Variants in DGKB observed in about 807,000 individuals in gnomAD.
DGKB encodes diacylglycerol kinase beta, also known as 90 kDa diacylglycerol kinase.
Under a neutral mutation model 114.3 loss-of-function variants are expected in DGKB, and 67 were observed. The observed-to-expected ratio is 0.59, with a 90% CI of 0.48 to 0.72. The LOEUF (loss-of-function observed/expected upper bound fraction) is 0.72. Ranked by LOEUF, DGKB falls within the 30% of genes least tolerant of loss-of-function variation. The pLI is 0.00. For synonymous variants in DGKB, 398 were observed against 323.1 expected (o/e 1.23, Z -2.49); for missense variants, 907 against 975.2 (o/e 0.93, Z 0.93).
intron 23 of DGKB, among the ~76,000 whole-genome samples, chr7:14,327,060 A>G (rs1260342280): frequency 1.3e-5 from 2 of 152,180 alleles, no homozygotes; most frequent in African/African-American, 4.8e-5. Context: ...TTATACCTAT[A>G]GTAATTCATT....
intron 23 of DGKB, among the ~76,000 whole-genome samples, chr7:14,305,666 C>T (rs971372882): frequency 2.6e-5 from 4 of 152,234 alleles, no homozygotes; most frequent in South Asian, 2.1e-4. Flanking sequence ...TCAGGGTTGA[C>T]GGTCTTCCTG....
intron 20 of DGKB, among the ~76,000 whole-genome samples, chr7:14,562,346 G>A (rs1796785830): frequency 6.6e-6 from 1 of 152,200 alleles, no homozygotes; most frequent in Admixed American, 6.5e-5. Context: ...ATGTGGGGTT[G>A]GAGCCCCTAC....
At chr7:14,594,500 C>T (rs1301510994) in intron 17 of DGKB, among the ~76,000 whole-genome samples, 1 of 151,966 alleles carries the variant, frequency 6.6e-6, no homozygotes, top group Non-Finnish European at 1.5e-5. Flanking sequence ...ACACAGTCTT[C>T]CTGATATTTG....
chr7:14,821,119 G>A (rs1223147127), intron 2 of DGKB, among the ~76,000 whole-genome samples: 1 of 152,076 alleles, frequency 6.6e-6, no homozygotes, highest in Non-Finnish European at 1.5e-5. Flanking sequence ...TGACTAAAAA[G>A]GGTAAAATCT....
chr7:14,723,520 TTAAA>T (rs1829551435), intron 5 of DGKB, among the ~76,000 whole-genome samples: 1 of 152,118 alleles, frequency 6.6e-6, no homozygotes. Flanking sequence ...CTATACTACT[TTAAA>T]TATTTCATCA....
intron 22 of DGKB, 85 bp from the exon 23 acceptor site, chr7:14,338,795 A>G: frequency 1.1e-6 from 1 of 877,440 alleles, no homozygotes; most frequent in Non-Finnish European, 1.6e-6. Context: ...TCATCTTTTA[A>G]TAAGTGCGTT....
chr7:14,557,554 A>T (rs1254912854), intron 20 of DGKB, among the ~76,000 whole-genome samples: 3 of 151,814 alleles, frequency 2.0e-5, no homozygotes, highest in African/African-American at 7.3e-5. Context: ...GTTCTTTCTT[A>T]ATTTGACTAT....
At chr7:14,912,536 AG>A (rs373515217) in intron 1 of DGKB, among the ~76,000 whole-genome samples, 60 of 152,284 alleles carry the variant, frequency 3.9e-4, no homozygotes, top group African/African-American at 1.3e-3. Flanking sequence ...AGGACCACGC[AG>A]GAGGCTGTTG....
chr7:14,778,889 C>T (rs1489152608), intron 2 of DGKB, among the ~76,000 whole-genome samples: 2 of 152,194 alleles, frequency 1.3e-5, no homozygotes, highest in Non-Finnish European at 2.9e-5. Flanking sequence ...GGCACAGTGG[C>T]TCACACCTGT....
intron 1 of DGKB, among the ~76,000 whole-genome samples, chr7:14,878,060 G>GA (rs200207451): frequency 0.031 from 4,024 of 129,272 alleles, 42 homozygotes; most frequent in Middle Eastern, 0.036. Flanking sequence ...CCCCAAAACA[G>GA]AAAAAAAAAA....
chr7:14,757,272 T>C (rs1033806542), intron 3 of DGKB, among the ~76,000 whole-genome samples: 10 of 152,070 alleles, frequency 6.6e-5, no homozygotes, highest in African/African-American at 2.2e-4. Flanking sequence ...ATACTCCTTC[T>C]CTATTTTATC....
At position 14,163,622 on chromosome 7, in the gene DGKB, T is replaced by G. The variant is rs138096888; in HGVS notation, c.2304+13217A>C. Among the ~76,000 whole-genome samples, 864 of 152,344 alleles carry G rather than the reference T, an allele frequency of 5.7e-3. 7 individuals are homozygous for G. Among genetic ancestry groups the G allele is most frequent in the African/African-American group, 0.02 (832 of 41,584 alleles). ...ACATATACTCACAAGAACAGCAGTC[T>G]GCTCATGCCAGTATGTTTCAAGGGG... On this transcript the variant is annotated intron_variant, in intron 25 of 25. Transcript: ENST00000402815.
At chr7:14,705,499 A>G (rs1439218955) in intron 6 of DGKB, among the ~76,000 whole-genome samples, 1 of 151,606 alleles carries the variant, frequency 6.6e-6, no homozygotes, top group Non-Finnish European at 1.5e-5. Flanking sequence ...GAGCAACTCC[A>G]AGACACATAA....
At chr7:14,914,134 T>C (rs1056689469) in intron 1 of DGKB, among the ~76,000 whole-genome samples, 1 of 152,166 alleles carries the variant, frequency 6.6e-6, no homozygotes, top group Non-Finnish European at 1.5e-5. Context: ...GTATTTATAA[T>C]GAAGAATTGC....
intron 1 of DGKB, among the ~76,000 whole-genome samples, chr7:14,890,807 C>T (rs76458115): frequency 6.6e-6 from 1 of 150,842 alleles, no homozygotes; most frequent in East Asian, 2.0e-4. Flanking sequence ...TAACGTTCAT[C>T]CCTCCTCTTT....
intron 21 of DGKB, among the ~76,000 whole-genome samples, chr7:14,432,321 A>G (rs1828570960): frequency 6.6e-6 from 1 of 152,194 alleles, no homozygotes; most frequent in African/African-American, 2.4e-5. Context: ...AATGAGGAGT[A>G]GACATAACCC....
intron 15 of DGKB, among the ~76,000 whole-genome samples, chr7:14,619,718 C>T (rs955700567): frequency 2.0e-5 from 3 of 151,614 alleles, no homozygotes; most frequent in Non-Finnish European, 4.4e-5. Flanking sequence ...TTGGTTTTAC[C>T]ACTGACTGTG....
At chr7:14,723,126 A>C (rs1195160948) in intron 5 of DGKB, among the ~76,000 whole-genome samples, 1 of 151,976 alleles carries the variant, frequency 6.6e-6, no homozygotes, top group East Asian at 1.9e-4. Flanking sequence ...TTTCCTTTTA[A>C]GAAGTTTGCA....
intron 9 of DGKB, among the ~76,000 whole-genome samples, chr7:14,686,750 A>G (rs1044320060): frequency 6.6e-6 from 1 of 152,162 alleles, no homozygotes; most frequent in African/African-American, 2.4e-5. Context: ...TTTGCCTCAC[A>G]ACATGAAACA....
Sources: gnomAD v4.1 joint callset for allele counts (sites outside exome capture counted in the v4.1 genomes callset) on GRCh38, gnomAD v4.1.1 for gene constraint, MANE v1.5 for transcripts, NCBI Gene and HGNC (gene_info 2026-07-23, HGNC 2026-07-21) for gene names.